The following GHR variants were observed in gnomAD, a reference collection of about 807,000 sequenced individuals.
GHR encodes the protein growth hormone receptor.
GHR carries 35 observed loss-of-function variants against 67.1 expected under a neutral mutation model. The ratio of observed to expected loss-of-function variants is 0.52; its 90% CI spans 0.40 to 0.69. The LOEUF is 0.69. Among genes scored for constraint, GHR ranks in the 30% least tolerant of loss-of-function variants. The pLI is 0.00. For missense variants in GHR, 792 were observed against 764.6 expected (o/e 1.04, Z -0.42); for synonymous variants, 272 against 269.1 (o/e 1.01, Z -0.10).
intron 1 of GHR, among the ~76,000 whole-genome samples, chr5:42,501,723 G>A (rs1166034386): frequency 6.6e-6 from 1 of 152,102 alleles, no homozygotes; most frequent in Admixed American, 6.6e-5. Flanking sequence ...AATCTTCCTG[G>A]TGAGAAACAC....
intron 2 of GHR, among the ~76,000 whole-genome samples, chr5:42,574,295 T>A (rs180954782): frequency 6.6e-6 from 1 of 152,198 alleles, no homozygotes; most frequent in African/African-American, 2.4e-5. Flanking sequence ...ATATAGAAAG[T>A]ACATGAAGTG....
intron 3 of GHR, among the ~76,000 whole-genome samples, chr5:42,658,947 G>C (rs1444174886): frequency 6.6e-6 from 1 of 152,148 alleles, no homozygotes; most frequent in Non-Finnish European, 1.5e-5. Flanking sequence ...GAAGAGAGTT[G>C]TCTAATCTGT....
chr5:42,621,644 G>A (rs1272006777), intron 2 of GHR, among the ~76,000 whole-genome samples: 1 of 152,148 alleles, frequency 6.6e-6, no homozygotes, highest in East Asian at 1.9e-4. Context: ...GCAAAATGTG[G>A]CTACTGCAGA....
At chr5:42,563,944 G>C (rs1361395244) in intron 1 of GHR, among the ~76,000 whole-genome samples, 1 of 152,084 alleles carries the variant, frequency 6.6e-6, no homozygotes, top group East Asian at 1.9e-4. Context: ...TGTTCACCTA[G>C]GAGTAAAGGA....
At chr5:42,607,980 G>T (rs1311277960) in intron 2 of GHR, among the ~76,000 whole-genome samples, 4 of 152,136 alleles carry the variant, frequency 2.6e-5, no homozygotes, top group African/African-American at 9.7e-5. Flanking sequence ...TGTCAGTTAT[G>T]ATCTAGGCTG....
At chr5:42,670,865 TA>T (rs71608658) in intron 3 of GHR, among the ~76,000 whole-genome samples, 2,016 of 112,132 alleles carry the variant, frequency 0.018, 20 homozygotes, top group African/African-American at 0.032. Context: ...AAGCAAAAAT[TA>T]AAAAAAAAAA....
Position 42,709,423 on chromosome 5 carries a change from A to G in GHR, c.619-1784A>G, listed in dbSNP as rs896128760. On this transcript the variant is annotated intron_variant, in intron 6 of 9. Coordinates refer to ENST00000230882, the MANE Select transcript of GHR (RefSeq NM_000163.5). ...CTCCCAAAGTGCTGGGATTATAGGCATGAGCCACTGTGCCTGGCTGCCCTT... is the reference window on the plus strand; with the variant it reads ...CTCCCAAAGTGCTGGGATTATAGGCGTGAGCCACTGTGCCTGGCTGCCCTT... 7.9e-5 allele frequency among the ~76,000 whole-genome samples: 12 copies of G among 152,186 alleles called. No homozygotes were observed. In the East Asian group the frequency reaches 2.3e-3, roughly 29 times the overall value.
At chr5:42,686,017 A>T (rs1333211213) in intron 3 of GHR, among the ~76,000 whole-genome samples, 1 of 152,162 alleles carries the variant, frequency 6.6e-6, no homozygotes, top group African/African-American at 2.4e-5. Flanking sequence ...GTCTTTGCTC[A>T]TGCCTATTTC....
rs777575590 is a variant in GHR at position 42,711,189 on chromosome 5, T to G, written c.619-18T>G. 2.5e-6 allele frequency: 4 copies of G among 1,604,646 alleles called. No individual in the cohort carries two copies. In the South Asian group the frequency reaches 3.3e-5, roughly 13 times the overall value. Reference sequence around the variant, plus strand: ...GTTGACTCTTTGGCCAATATGCGTTTATATTTTGTCTTGAAAGATGGACCC... The same window carrying G: ...GTTGACTCTTTGGCCAATATGCGTTGATATTTTGTCTTGAAAGATGGACCC... On this transcript the variant is annotated intron_variant, in intron 6 of 9. Transcript: ENST00000230882.
At chr5:42,474,650 A>C (rs928684709) in intron 1 of GHR, among the ~76,000 whole-genome samples, 18 of 152,200 alleles carry the variant, frequency 1.2e-4, no homozygotes, top group African/African-American at 3.9e-4. Flanking sequence ...GGAACTTAAG[A>C]GAGAAATGGA....
chr5:42,458,518 A>G (rs1416849617), intron 1 of GHR, among the ~76,000 whole-genome samples: 1 of 152,150 alleles, frequency 6.6e-6, no homozygotes, highest in African/African-American at 2.4e-5. Flanking sequence ...CTAAAACTAT[A>G]AAAAACCCTG....
chr5:42,618,615 A>C (rs1753287762), intron 2 of GHR, among the ~76,000 whole-genome samples: 1 of 152,172 alleles, frequency 6.6e-6, no homozygotes, highest in Non-Finnish European at 1.5e-5. Flanking sequence ...GACATAATTA[A>C]CTATCAGATG....
Position 42,711,248 on chromosome 5 carries a change from G to T in GHR, c.660G>T (p.Leu220Phe), listed in dbSNP as rs200851410. The part of the protein sequence containing the change: ...ILTTSVPVYS[L>F]KVDKEYEVRV... ...CAACATCAGTTCCAGTGTACTCATTGAAAGTGGATAAGGAATATGAAGTGC... is the reference window on the plus strand; with the variant it reads ...CAACATCAGTTCCAGTGTACTCATTTAAAGTGGATAAGGAATATGAAGTGC... The change falls in exon 7 of 10, where the codon TTG becomes TTT. Residue 220 changes from leucine (L) to phenylalanine (F), a missense_variant. Transcript: ENST00000230882. 59 of 1,613,342 alleles carry T rather than the reference G, an allele frequency of 3.7e-5. No homozygotes were observed. Among genetic ancestry groups the T allele is most frequent in the Non-Finnish European group, 4.9e-5 (58 of 1,179,296 alleles).
chr5:42,695,208 G>T, intron 5 of GHR, 119 bp downstream of exon 5: 1 of 750,692 alleles, frequency 1.3e-6, no homozygotes, highest in Non-Finnish European at 2.4e-6. Context: ...TAGATACATG[G>T]AGATCTGTTT....
intron 1 of GHR, among the ~76,000 whole-genome samples, chr5:42,564,601 CA>C (rs1051411876): frequency 3.3e-5 from 5 of 152,128 alleles, no homozygotes; most frequent in Admixed American, 2.6e-4. Flanking sequence ...TTATATGGAA[CA>C]AAAAAGATAG....
At chr5:42,660,293 G>C (rs944834117) in intron 3 of GHR, among the ~76,000 whole-genome samples, 10 of 152,202 alleles carry the variant, frequency 6.6e-5, no homozygotes, top group Non-Finnish European at 1.5e-4. Context: ...TCTGAGAACA[G>C]GCAGACTGCC....
chr5:42,619,625 A>G (rs1753338725), intron 2 of GHR: 1 of 152,184 alleles, frequency 6.6e-6, no homozygotes, highest in African/African-American at 2.4e-5. Flanking sequence ...ACACACAGCA[A>G]CTCTAACTCA....
In GHR at chr5:42,540,284, C is replaced by T. The variant is rs191285409; in HGVS notation, c.-11-25580C>T. On this transcript the variant is annotated intron_variant, in intron 1 of 9. Coordinates refer to ENST00000230882, the MANE Select transcript of GHR (RefSeq NM_000163.5). ...CTTAAAGCATATTTTGGTAAATTTGCTTTTTATAGTTATTGATTTTCAGAA... is the reference window on the plus strand; with the variant it reads ...CTTAAAGCATATTTTGGTAAATTTGTTTTTTATAGTTATTGATTTTCAGAA... 4.4e-3 allele frequency among the ~76,000 whole-genome samples: 662 copies of T among 149,906 alleles called. 3 individuals carry two copies. The highest frequency in any genetic ancestry group is 0.016 in the African/African-American group (636 of 40,944).
intron 2 of GHR, among the ~76,000 whole-genome samples, chr5:42,628,753 CT>C (rs1418274612): frequency 7.6e-6 from 1 of 131,738 alleles, no homozygotes; most frequent in Non-Finnish European, 1.6e-5. Flanking sequence ...GGCCTAAGGT[CT>C]TGTTTATAAT....
Sources: gnomAD v4.1 joint callset for allele counts (sites outside exome capture counted in the v4.1 genomes callset) on GRCh38, gnomAD v4.1.1 for gene constraint, MANE v1.5 for transcripts, NCBI Gene and HGNC (gene_info 2026-07-23, HGNC 2026-07-21) for gene names.